The following EPHA3 variants were observed in gnomAD, a reference collection of about 807,000 sequenced individuals.
The protein encoded by EPHA3 is ephrin type-A receptor 3.
Under a neutral mutation model 107.1 loss-of-function variants are expected in EPHA3, and 42 were observed. The ratio of observed to expected loss-of-function variants is 0.39; its 90% CI spans 0.31 to 0.51. The LOEUF (loss-of-function observed/expected upper bound fraction) is 0.51, where lower values mean the gene tolerates loss of function less well. Among genes scored for constraint, EPHA3 ranks in the 20% least tolerant of loss-of-function variants. The pLI is 0.78. For missense variants in EPHA3, 1,183 were observed against 1,211.2 expected, an observed-to-expected ratio of 0.98 and a Z score of 0.35; for synonymous variants, 461 against 424.8, an observed-to-expected ratio of 1.09 and a Z score of -1.05.
chr3:89,209,422 T>G (rs533233832), intron 2 of EPHA3, among the ~76,000 whole-genome samples: 2 of 152,282 alleles, frequency 1.3e-5, no homozygotes, highest in South Asian at 4.1e-4. Flanking sequence ...TTATTTTACC[T>G]TATATCAATT....
chr3:89,309,039 C>G (rs1706700419), intron 3 of EPHA3, among the ~76,000 whole-genome samples: 1 of 151,908 alleles, frequency 6.6e-6, no homozygotes, highest in Non-Finnish European at 1.5e-5. Flanking sequence ...GTCTTAGAAG[C>G]CAGGATTAGG....
intron 7 of EPHA3, among the ~76,000 whole-genome samples, chr3:89,401,508 A>C (rs1025825336): frequency 6.6e-6 from 1 of 152,218 alleles, no homozygotes; most frequent in Non-Finnish European, 1.5e-5. Context: ...AATAAAATAT[A>C]AGTGTAACTT....
intron 3 of EPHA3, among the ~76,000 whole-genome samples, chr3:89,260,439 T>C (rs1377810466): frequency 6.6e-6 from 1 of 152,206 alleles, no homozygotes; most frequent in East Asian, 1.9e-4. Flanking sequence ...ATTACTGATG[T>C]TGAGCACCTT....
chr3:89,458,970 T>A (rs911557059), intron 15 of EPHA3, among the ~76,000 whole-genome samples: 13 of 151,626 alleles, frequency 8.6e-5, no homozygotes, highest in African/African-American at 3.2e-4. Flanking sequence ...TAAGTGGGAG[T>A]TGAACAATGA....
chr3:89,454,626 T>C (rs1710060813), intron 15 of EPHA3, among the ~76,000 whole-genome samples: 3 of 152,222 alleles, frequency 2.0e-5, no homozygotes, highest in African/African-American at 7.2e-5. Flanking sequence ...TATGATATAG[T>C]TTCAGTCACC....
intron 2 of EPHA3, among the ~76,000 whole-genome samples, chr3:89,136,031 A>G (rs888734645): frequency 6.6e-6 from 1 of 152,118 alleles, no homozygotes; most frequent in Non-Finnish European, 1.5e-5. Flanking sequence ...TACCAACTGG[A>G]TTTCTAGCTT....
chr3:89,218,915 G>T (rs181589747), intron 3 of EPHA3, among the ~76,000 whole-genome samples: 1 of 152,096 alleles, frequency 6.6e-6, no homozygotes. Context: ...TGTGGAAGTC[G>T]GTGTGGCGAT....
chr3:89,315,743 A>G (rs1358093314), intron 3 of EPHA3, among the ~76,000 whole-genome samples: 3 of 151,914 alleles, frequency 2.0e-5, no homozygotes, highest in Non-Finnish European at 2.9e-5. Flanking sequence ...AAAAGCAACA[A>G]TGCTAAAATT....
chr3:89,131,006 A>G (rs1161927079), intron 2 of EPHA3, among the ~76,000 whole-genome samples: 1 of 152,214 alleles, frequency 6.6e-6, no homozygotes, highest in Non-Finnish European at 1.5e-5. Flanking sequence ...TACTACATAT[A>G]TTATTAGGCC....
At chr3:89,247,633 C>G (rs1204773155) in intron 3 of EPHA3, among the ~76,000 whole-genome samples, 4 of 152,038 alleles carry the variant, frequency 2.6e-5, no homozygotes, top group African/African-American at 9.7e-5. Flanking sequence ...CTAGGTAATG[C>G]TGTTTTCTGA....
chr3:89,341,582 T>G (rs1246040991), intron 4 of EPHA3, among the ~76,000 whole-genome samples, 173 bp from the exon 5 acceptor site: 1 of 152,184 alleles, frequency 6.6e-6, no homozygotes, highest in Non-Finnish European at 1.5e-5. Context: ...GGGAAGACAG[T>G]GTTCTTGAAT....
At chr3:89,272,880 G>C (rs1705710024) in intron 3 of EPHA3, among the ~76,000 whole-genome samples, 1 of 151,878 alleles carries the variant, frequency 6.6e-6, no homozygotes, top group Non-Finnish European at 1.5e-5. Flanking sequence ...GTGCTTAATA[G>C]AATTAATGTT....
chr3:89,237,991 A>C (rs1235670020), intron 3 of EPHA3, among the ~76,000 whole-genome samples: 1 of 152,030 alleles, frequency 6.6e-6, no homozygotes, highest in African/African-American at 2.4e-5. Flanking sequence ...GAAAAAAAAA[A>C]AAAAAGAGGA....
At chr3:89,117,091 G>C (rs989457487) in intron 1 of EPHA3, among the ~76,000 whole-genome samples, 13 of 151,836 alleles carry the variant, frequency 8.6e-5, no homozygotes. Flanking sequence ...GAGAATTGTG[G>C]GTTAATTTTA....
At chr3:89,140,364 T>C (rs1704405644) in intron 2 of EPHA3, among the ~76,000 whole-genome samples, 1 of 151,848 alleles carries the variant, frequency 6.6e-6, no homozygotes, top group Non-Finnish European at 1.5e-5. Flanking sequence ...ATATGTTATC[T>C]TCTAGCCAGT....
intron 3 of EPHA3, among the ~76,000 whole-genome samples, chr3:89,285,051 G>T (rs2107320132): frequency 6.6e-6 from 1 of 152,140 alleles, no homozygotes; most frequent in African/African-American, 2.4e-5. Flanking sequence ...CTAAACCCAG[G>T]GGGCAGAGGT....
At chr3:89,477,574 C>T (rs1480217016) in intron 16 of EPHA3, among the ~76,000 whole-genome samples, 3 of 151,934 alleles carry the variant, frequency 2.0e-5, no homozygotes, top group Admixed American at 2.0e-4. Flanking sequence ...CCAATTTTTT[C>T]TTTCTTTATG....
At chr3:89,473,306 T>C (rs1211697648) in intron 16 of EPHA3, among the ~76,000 whole-genome samples, 1 of 152,200 alleles carries the variant, frequency 6.6e-6, no homozygotes, top group African/African-American at 2.4e-5. Flanking sequence ...AAGTATAATA[T>C]GCTGTATTTT....
At chr3:89,123,781 C>T (rs1438908660) in intron 1 of EPHA3, among the ~76,000 whole-genome samples, 1 of 152,072 alleles carries the variant, frequency 6.6e-6, no homozygotes, top group African/African-American at 2.4e-5. Context: ...AAAACATTTC[C>T]AATTTAAATC....
Sources: gnomAD v4.1 joint callset for allele counts (sites outside exome capture counted in the v4.1 genomes callset) on GRCh38, gnomAD v4.1.1 for gene constraint, MANE v1.5 for transcripts, NCBI Gene and HGNC (gene_info 2026-07-23, HGNC 2026-07-21) for gene names.